The following TNFRSF10A variants were observed in gnomAD, a reference collection of about 807,000 sequenced individuals.
The protein encoded by TNFRSF10A is tumor necrosis factor receptor superfamily member 10A.
In TNFRSF10A, 44 loss-of-function variants were observed where a neutral mutation model predicts 42.8. The observed-to-expected ratio is 1.03, with a 90% confidence interval of 0.81 to 1.32. TNFRSF10A has a LOEUF of 1.32. TNFRSF10A is among the 40% of genes most tolerant of loss of function. The probability of loss-of-function intolerance (pLI) is 0.00; values close to 1 mark genes in which losing one functional copy is unlikely to be tolerated. For missense variants in TNFRSF10A, 680 were observed against 602.0 expected, an observed-to-expected ratio of 1.13 and a Z score of -1.36; for synonymous variants, 259 against 234.2, an observed-to-expected ratio of 1.11 and a Z score of -0.97.
At chr8:23,207,171 G>A (rs532144055) in intron 2 of TNFRSF10A, 162 of 588,286 alleles carry the variant, frequency 2.8e-4, no homozygotes, top group African/African-American at 2.6e-3. Flanking sequence ...GATAGAAGAC[G>A]ACAACAACAC....
At chr8:23,205,773 C>A (rs1012109618) in intron 2 of TNFRSF10A, among the ~76,000 whole-genome samples, 1 of 145,348 alleles carries the variant, frequency 6.9e-6, no homozygotes, top group Non-Finnish European at 1.5e-5. Flanking sequence ...TGCAGTGGCG[C>A]AATCTCAGCT....
At chr8:23,204,756 G>A (rs76065366) in intron 2 of TNFRSF10A, among the ~76,000 whole-genome samples, 2,128 of 151,978 alleles carry the variant, frequency 0.014, 18 homozygotes, top group South Asian at 0.02. Context: ...GAAGAAACTG[G>A]GGAACATCAC....
At chr8:23,215,429 ACCCAGGAGGCGGAGGTTCCAGTGAG>A (rs1459580472) in intron 1 of TNFRSF10A, among the ~76,000 whole-genome samples, 1 of 151,982 alleles carries the variant, frequency 6.6e-6, no homozygotes, top group Non-Finnish European at 1.5e-5. Context: ...AATCACTTGA[ACCCAGGAGGCGGAGGTTCCAGTGAG>A]CTGAGATTGC....
At chr8:23,207,269 T>A in intron 2 of TNFRSF10A, 1 of 598,312 alleles carries the variant, frequency 1.7e-6, no homozygotes, top group South Asian at 1.4e-5. Flanking sequence ...TGGCCAAGGT[T>A]CAACACCCTG....
intron 2 of TNFRSF10A, 90 bp downstream of exon 2, chr8:23,212,026 T>C: frequency 8.6e-7 from 1 of 1,162,018 alleles, no homozygotes. Flanking sequence ...AAAAGGAATG[T>C]TATTGATGAA....
intron 1 of TNFRSF10A, among the ~76,000 whole-genome samples, chr8:23,215,476 C>T (rs1296434712): frequency 6.6e-6 from 1 of 151,936 alleles, no homozygotes; most frequent in African/African-American, 2.4e-5. Context: ...CCACTGCACC[C>T]CGGCCTGCAT....
intron 6 of TNFRSF10A, among the ~76,000 whole-genome samples, chr8:23,200,299 G>A (rs775503282): frequency 1.3e-5 from 2 of 152,148 alleles, no homozygotes; most frequent in Non-Finnish European, 2.9e-5. Context: ...GGGAGATGAG[G>A]GGACCCCCAG....
At chr8:23,200,029 T>G in intron 6 of TNFRSF10A, 112 bp from the exon 7 acceptor site, 1 of 1,363,454 alleles carries the variant, frequency 7.3e-7, no homozygotes, top group Non-Finnish European at 1.0e-6. Flanking sequence ...TGGACAAAGA[T>G]CCCCGGGCCT....
rs1249859019 is a variant in TNFRSF10A at position 23,190,963 on chromosome 8, G to A, written c.*731C>T. 2 of 152,174 alleles carry A rather than the reference G, an allele frequency of 1.3e-5. No individual in the cohort carries two copies. Among genetic ancestry groups the A allele is most frequent in the Non-Finnish European group, 2.9e-5 (2 of 68,090 alleles). 9.4% of individuals were successfully genotyped at this position (152,174 alleles called of 1,614,324 possible). A position where few individuals can be genotyped will look rare whatever the true frequency, so the allele number is the denominator to read the frequency against. On this transcript the variant is annotated 3_prime_UTR_variant, in exon 10 of 10. Coordinates refer to ENST00000221132, the MANE Select transcript of TNFRSF10A (RefSeq NM_003844.4). Reference sequence around the variant, plus strand: ...CTCTGATGTCCACAGGCAGAAGAGTGTCCCAGCTCCAGGAGATCAGATGGA... The same window carrying A: ...CTCTGATGTCCACAGGCAGAAGAGTATCCCAGCTCCAGGAGATCAGATGGA...
chr8:23,194,647 G>T (rs1348544208), intron 9 of TNFRSF10A, among the ~76,000 whole-genome samples: 1 of 152,182 alleles, frequency 6.6e-6, no homozygotes, highest in Non-Finnish European at 1.5e-5. Flanking sequence ...GTGAGCACCT[G>T]ATGTTCACTG....
intron 2 of TNFRSF10A, among the ~76,000 whole-genome samples, chr8:23,205,760 G>C (rs62501125): frequency 0.15 from 21,696 of 147,958 alleles, 1,861 homozygotes; most frequent in Middle Eastern, 0.26. Context: ...ACCCAGGCTG[G>C]AGTGCAGTGG....
At chr8:23,192,327 G>GGGAGGGAGGGAGAGTGGCTGC (rs1800768134) in intron 9 of TNFRSF10A, among the ~76,000 whole-genome samples, 1 of 152,226 alleles carries the variant, frequency 6.6e-6, no homozygotes, top group South Asian at 2.1e-4. Flanking sequence ...GAGAGCCCGA[G>GGGAGGGAGGGAGAGTGGCTGC]GGAGGGAGGG....
chr8:23,221,011 C>A lies in TNFRSF10A; in HGVS notation c.306+3745G>T, dbSNP rs113224569. Among the ~76,000 whole-genome samples, 535 of 152,360 alleles carry A rather than the reference C, an allele frequency of 3.5e-3. 2 individuals are homozygous for A. The highest frequency in any genetic ancestry group is 6.3e-3 in the Non-Finnish European group (431 of 68,038). On this transcript the variant is annotated intron_variant, in intron 1 of 9. Coordinates refer to ENST00000221132, the MANE Select transcript of TNFRSF10A (RefSeq NM_003844.4). ...CCCTGCAGTGACATCTTTGTCCTAA[C>A]TTGAAGTCTGGCTCCTCTGTTCCTC...
chr8:23,200,770 CA>C lies in TNFRSF10A; in HGVS notation c.630-11del. 1.3e-6 allele frequency: 2 copies of C among 1,509,212 alleles called. No individual in the cohort carries two copies. The highest frequency in any genetic ancestry group is 1.8e-6 in the Non-Finnish European group (2 of 1,087,776). The allele number at this position is 1,509,212 out of a possible 1,614,324, so 93.5% of individuals were successfully genotyped here. On this transcript the variant is annotated splice_polypyrimidine_tract_variant and intron_variant, in intron 4 of 9. Transcript: ENST00000221132. ...CATCCCTCTGGGGCACCTGGGTACA[CA>C]CAGGGAGGGAGGGGGGGGACTCTTG...
rs750087731 is a variant in TNFRSF10A at position 23,200,555 on chromosome 8, A to C, written c.749T>G (p.Val250Gly). 1.2e-6 allele frequency: 2 copies of C among 1,614,068 alleles called. No individual in the cohort carries two copies. The highest frequency in any genetic ancestry group is 1.7e-6 in the Non-Finnish European group (2 of 1,180,014). Residue 250 changes from valine (V) to glycine (G), a missense_variant, in exon 6 of 10, where the codon GTT becomes GGT. By Grantham distance (109) the Val-to-Gly change is moderately radical. Coordinates refer to ENST00000221132, the MANE Select transcript of TNFRSF10A (RefSeq NM_003844.4). ...CAGCACAGCCACCAACAGCAACGGA[A>C]CAACCAAAGTCACAACCAAAATCAC... ...IWVILVVTLVVPLLLVAVLIV... is the reference protein window; with the variant it reads ...IWVILVVTLVGPLLLVAVLIV...
At chr8:23,192,797 T>G in intron 9 of TNFRSF10A, among the ~76,000 whole-genome samples, 1 of 152,252 alleles carries the variant, frequency 6.6e-6, no homozygotes, top group Non-Finnish European at 1.5e-5. Context: ...AAAGGTTTTT[T>G]TGATAAACAG....
rs1800753137 is a variant in TNFRSF10A at position 23,191,523 on chromosome 8, C to A, written c.*171G>T. The A allele has an allele frequency of 1.1e-6, 1 of 932,518 alleles. No homozygotes were observed. The highest frequency in any genetic ancestry group is 1.5e-6 in the Non-Finnish European group (1 of 645,844). 57.8% of individuals were successfully genotyped at this position (932,518 alleles called of 1,614,324 possible). On this transcript the variant is annotated 3_prime_UTR_variant, in exon 10 of 10. Coordinates refer to ENST00000221132, the MANE Select transcript of TNFRSF10A (RefSeq NM_003844.4). ...CGATGTTGGTCAGGCTGGTCTTGAA[C>A]TTCTGACCTCAAGTGATCCACCCGC...
chr8:23,194,337 C>G (rs749711017), intron 9 of TNFRSF10A, among the ~76,000 whole-genome samples: 1 of 152,132 alleles, frequency 6.6e-6, no homozygotes, highest in Non-Finnish European at 1.5e-5. Context: ...GTTCATGTGA[C>G]TTAAGTAAAT....
chr8:23,202,616 A>C (rs1202157235), intron 3 of TNFRSF10A, 32 bp downstream of exon 3: 6 of 1,576,198 alleles, frequency 3.8e-6, no homozygotes, highest in Non-Finnish European at 4.4e-6. Flanking sequence ...CCCTCACTCC[A>C]CCTCTGGACA....
Sources: gnomAD v4.1 joint callset for allele counts (sites outside exome capture counted in the v4.1 genomes callset) on GRCh38, gnomAD v4.1.1 for gene constraint, MANE v1.5 for transcripts, NCBI Gene and HGNC (gene_info 2026-07-23, HGNC 2026-07-21) for gene names.